Variants in PTPRD observed in about 807,000 individuals in gnomAD.
PTPRD encodes receptor-type tyrosine-protein phosphatase delta.
Under a neutral mutation model 214.5 loss-of-function variants are expected in PTPRD, and 34 were observed. That is an observed-to-expected ratio of 0.16 (90% confidence interval 0.12 to 0.21). The LOEUF (loss-of-function observed/expected upper bound fraction) is 0.21. Among genes scored for constraint, PTPRD ranks in the 10% least tolerant of loss-of-function variants. The pLI, the probability that PTPRD is intolerant of heterozygous loss-of-function variation, is 1.00. For synonymous variants in PTPRD, 1,128 were observed against 845.7 expected (o/e 1.33, Z -5.79); for missense variants, 2,545 against 2,398.7 (o/e 1.06, Z -1.27).
At chr9:8,573,707 T>G (rs1010079964) in intron 14 of PTPRD, among the ~76,000 whole-genome samples, 8 of 151,932 alleles carry the variant, frequency 5.3e-5, no homozygotes, top group African/African-American at 1.9e-4. Context: ...TCCAAAAAAG[T>G]TGCATAATTT....
intron 14 of PTPRD, among the ~76,000 whole-genome samples, chr9:8,604,834 T>C (rs1047651613): frequency 5.3e-5 from 8 of 152,070 alleles, no homozygotes; most frequent in African/African-American, 1.9e-4. Context: ...AGATGGAAAA[T>C]ATAGAAAATG....
chr9:10,318,224 G>A lies in PTPRD; in HGVS notation c.-545+22739C>T, dbSNP rs186584438. 1.3e-3 allele frequency among the ~76,000 whole-genome samples: 205 copies of A among 152,108 alleles called. 3 individuals are homozygous for A. Among genetic ancestry groups the A allele is most frequent in the African/African-American group, 4.6e-3 (190 of 41,534 alleles). On this transcript the variant is annotated intron_variant, in intron 3 of 45. Coordinates refer to ENST00000381196, the MANE Select transcript of PTPRD (RefSeq NM_002839.4). ...ACTGCCTTTGGTTAAGTCAACCCCA[G>A]TGGTACAATAATAAAATAGATAATT...
chr9:9,320,737 C>T (rs898946751), intron 9 of PTPRD, among the ~76,000 whole-genome samples: 3 of 152,158 alleles, frequency 2.0e-5, no homozygotes, highest in Non-Finnish European at 2.9e-5. Context: ...ATCCAGTAGA[C>T]ATTTCCATGG....
chr9:9,322,440 C>T (rs1966900093), intron 9 of PTPRD, among the ~76,000 whole-genome samples: 2 of 152,170 alleles, frequency 1.3e-5, no homozygotes, highest in South Asian at 4.1e-4. Flanking sequence ...TTCCAAGTCA[C>T]GTAGCTAGTG....
chr9:9,667,829 A>T (rs2096752485), intron 7 of PTPRD, among the ~76,000 whole-genome samples: 1 of 152,164 alleles, frequency 6.6e-6, no homozygotes, highest in African/African-American at 2.4e-5. Flanking sequence ...GGAAGCAGTA[A>T]TCTGCATTTT....
At chr9:8,716,581 G>C (rs1006124611) in intron 12 of PTPRD, among the ~76,000 whole-genome samples, 2 of 136,036 alleles carry the variant, frequency 1.5e-5, no homozygotes, top group African/African-American at 7.5e-5. Context: ...TCGCAGACGA[G>C]ATCCATCCCA....
intron 10 of PTPRD, among the ~76,000 whole-genome samples, chr9:9,021,477 T>C (rs1241295711): frequency 6.6e-6 from 1 of 152,194 alleles, no homozygotes; most frequent in African/African-American, 2.4e-5. Flanking sequence ...TCAATGACTA[T>C]GTTACTGGTT....
At chr9:10,102,799 C>A (rs947198862) in intron 3 of PTPRD, among the ~76,000 whole-genome samples, 10 of 151,658 alleles carry the variant, frequency 6.6e-5, no homozygotes, top group Non-Finnish European at 1.3e-4. Context: ...TTCAAAATTA[C>A]CTTTACAAAA....
At chr9:9,857,760 C>T (rs1447964206) in intron 5 of PTPRD, among the ~76,000 whole-genome samples, 2 of 152,318 alleles carry the variant, frequency 1.3e-5, no homozygotes, top group Middle Eastern at 3.4e-3. Context: ...AAACACTCCT[C>T]ACGGACCACA....
Position 10,479,736 on chromosome 9 carries a change from C to T in PTPRD, c.-600+132662G>A, listed in dbSNP as rs1195735728. Among the ~76,000 whole-genome samples the T allele has an allele frequency of 2.6e-5, 4 of 151,996 alleles. No homozygotes were observed. The South Asian group carries it at 6.2e-4, about 24-fold the overall frequency. On this transcript the variant is annotated intron_variant, in intron 2 of 45. Coordinates refer to ENST00000381196, the MANE Select transcript of PTPRD (RefSeq NM_002839.4). ...GCTACTTGGGAGGCTGAGGTAAGGT[C>T]GCTTGAGCCCAGGGTTCCAGGCTGC...
chr9:10,578,296 T>TA (rs2070296981), intron 2 of PTPRD, among the ~76,000 whole-genome samples: 1 of 152,136 alleles, frequency 6.6e-6, no homozygotes, highest in Non-Finnish European at 1.5e-5. Flanking sequence ...ATGATTTGAG[T>TA]TTAGGAAGAT....
intron 3 of PTPRD, among the ~76,000 whole-genome samples, chr9:10,096,521 G>C (rs1455306657): frequency 6.6e-6 from 1 of 151,806 alleles, no homozygotes; most frequent in Non-Finnish European, 1.5e-5. Context: ...GTGTCTTTTG[G>C]CTGCATAAAT....
At chr9:9,151,200 T>C (rs2099876455) in intron 10 of PTPRD, among the ~76,000 whole-genome samples, 1 of 152,234 alleles carries the variant, frequency 6.6e-6, no homozygotes, top group Non-Finnish European at 1.5e-5. Context: ...TCCTTCAGAA[T>C]GACAATTGTT....
chr9:9,456,492 C>T (rs558618904), intron 8 of PTPRD, among the ~76,000 whole-genome samples: 1 of 151,802 alleles, frequency 6.6e-6, no homozygotes. Flanking sequence ...CCTGTTCTTA[C>T]ATATTTTCAT....
chr9:9,706,444 CTT>C (rs111909243), intron 7 of PTPRD, among the ~76,000 whole-genome samples: 5 of 145,010 alleles, frequency 3.4e-5, no homozygotes, highest in East Asian at 2.0e-4. Flanking sequence ...TTTGCTAACT[CTT>C]TTTTTTTTTT....
At chr9:10,512,300 G>C (rs550898618) in intron 2 of PTPRD, among the ~76,000 whole-genome samples, 1 of 152,050 alleles carries the variant, frequency 6.6e-6, no homozygotes, top group African/African-American at 2.4e-5. Context: ...GAGAGAATGT[G>C]TGACTATGTG....
At chr9:8,975,520 T>C (rs1248549328) in intron 11 of PTPRD, among the ~76,000 whole-genome samples, 1 of 152,044 alleles carries the variant, frequency 6.6e-6, no homozygotes, top group Non-Finnish European at 1.5e-5. Context: ...TCAAAATGTT[T>C]AGATATGTTT....
intron 11 of PTPRD, among the ~76,000 whole-genome samples, chr9:9,009,513 T>G (rs2099499046): frequency 6.6e-6 from 1 of 152,094 alleles, no homozygotes; most frequent in South Asian, 2.1e-4. Context: ...CAGCAGTTAT[T>G]TTAATTTAAA....
chr9:10,580,533 C>T (rs902444335), intron 2 of PTPRD, among the ~76,000 whole-genome samples: 67 of 152,042 alleles, frequency 4.4e-4, no homozygotes, highest in African/African-American at 1.6e-3. Flanking sequence ...TCAATTATTT[C>T]AATCATTTTA....
Sources: gnomAD v4.1 joint callset for allele counts (sites outside exome capture counted in the v4.1 genomes callset) on GRCh38, gnomAD v4.1.1 for gene constraint, MANE v1.5 for transcripts, NCBI Gene and HGNC (gene_info 2026-07-23, HGNC 2026-07-21) for gene names.